Variants in GPX5 observed in about 807,000 individuals in gnomAD.
The protein encoded by GPX5 is glutathione peroxidase 5.
Under a neutral mutation model 23.8 loss-of-function variants are expected in GPX5, and 20 were observed. The observed-to-expected ratio is 0.84, with a 90% CI of 0.59 to 1.22. GPX5 has a LOEUF of 1.22. Ranked by LOEUF, GPX5 falls within the 50% of genes most tolerant of loss-of-function variation. GPX5 has a pLI of 0.00. For synonymous variants in GPX5, 92 were observed against 99.5 expected, an observed-to-expected ratio of 0.92 and a Z score of 0.45; for missense variants, 230 against 266.6, an observed-to-expected ratio of 0.86 and a Z score of 0.96.
Position 28,533,989 on chromosome 6 carries a change from T to C in GPX5, c.488T>C (p.Leu163Ser). Reference sequence around the variant, plus strand: ...TCCTGTCCTCATCCCTCTGAGATTTTGGGCACATTCAAATCTATATCCTGG... The same window carrying C: ...TCCTGTCCTCATCCCTCTGAGATTTCGGGCACATTCAAATCTATATCCTGG... ...KHSCPHPSEI[L>S]GTFKSISWDP... Residue 163 changes from leucine (L) to serine (S), a missense_variant, in exon 5 of 5, where the codon TTG becomes TCG. Transcript: ENST00000412168. 1 of 1,599,312 alleles carries C rather than the reference T, an allele frequency of 6.3e-7. No individual in the cohort carries two copies.
At chr6:28,532,486 C>T (rs1689606289) in intron 4 of GPX5, 66 bp downstream of exon 4, 2 of 1,063,332 alleles carry the variant, frequency 1.9e-6, no homozygotes, top group African/African-American at 3.3e-5. Flanking sequence ...GTTGGTGTGG[C>T]AGAAATGGAT....
rs377075275 is a variant in GPX5 at position 28,529,362 on chromosome 6, A to G, written c.88-89A>G. The stretch of plus-strand genomic sequence containing the variant: ...TATTTGTTTTCTAGATCTTGGTTAG[A>G]ACATAACTATTCTTTGACTTCTTTG... On this transcript the variant is annotated intron_variant, in intron 1 of 4. Transcript: ENST00000412168. The G allele has an allele frequency of 5.9e-5, 63 of 1,060,764 alleles. No homozygotes were observed. The East Asian group carries it at 6.5e-4, about 11-fold the overall frequency. 65.7% of individuals were successfully genotyped at this position (1,060,764 alleles called of 1,614,324 possible).
At chr6:28,527,459 C>G (rs902803364) in intron 1 of GPX5, among the ~76,000 whole-genome samples, 1 of 152,200 alleles carries the variant, frequency 6.6e-6, no homozygotes, top group Middle Eastern at 3.4e-3. Flanking sequence ...TAGCTACAAC[C>G]TAGTATGCTG....
intron 1 of GPX5, among the ~76,000 whole-genome samples, chr6:28,529,152 G>A (rs547075403): frequency 1.5e-4 from 22 of 150,266 alleles, no homozygotes; most frequent in African/African-American, 5.1e-4. Flanking sequence ...ATCTTTCCCA[G>A]CCTCTGGTAA....
rs373074327 is a variant in GPX5, at chr6:28,531,766, C to T, written c.242-12C>T. 8.6e-5 allele frequency: 136 copies of T among 1,576,720 alleles called. No individual in the cohort carries two copies. The highest frequency in any genetic ancestry group is 1.1e-4 in the Non-Finnish European group (127 of 1,151,800). ...TCTACCTAGACCAAAATTGTTCCTC[C>T]TCTAACTGCAGAACTAAATGCACTC... On this transcript the variant is annotated splice_polypyrimidine_tract_variant and intron_variant, in intron 2 of 4. Coordinates refer to ENST00000412168, the MANE Select transcript of GPX5 (RefSeq NM_001509.3).
chr6:28,533,396 AAAAC>A (rs1222050448), intron 4 of GPX5, among the ~76,000 whole-genome samples: 1 of 152,224 alleles, frequency 6.6e-6, no homozygotes, highest in African/African-American at 2.4e-5. Flanking sequence ...CTCAAAAACA[AAAAC>A]AAAAAAGAAC....
chr6:28,529,044 AC>A (rs1302329569), intron 1 of GPX5, among the ~76,000 whole-genome samples: 1 of 151,408 alleles, frequency 6.6e-6, no homozygotes, highest in Non-Finnish European at 1.5e-5. Context: ...GACTATAGTC[AC>A]CCTGTTGTGC....
rs370048326 is a variant in GPX5 at position 28,531,762 on chromosome 6, C to T, written c.242-16C>T. 185 of 1,551,578 alleles carry T rather than the reference C, an allele frequency of 1.2e-4. No homozygotes were observed. Among genetic ancestry groups the T allele is most frequent in the Non-Finnish European group, 1.6e-4 (179 of 1,131,494 alleles). On this transcript the variant is annotated splice_polypyrimidine_tract_variant and intron_variant, in intron 2 of 4. Transcript: ENST00000412168. ...AACCTCTACCTAGACCAAAATTGTT[C>T]CTCCTCTAACTGCAGAACTAAATGC...
intron 4 of GPX5, among the ~76,000 whole-genome samples, 200 bp downstream of exon 4, chr6:28,532,620 G>A (rs1009308954): frequency 3.3e-5 from 5 of 152,188 alleles, no homozygotes; most frequent in Non-Finnish European, 7.3e-5. Flanking sequence ...CTAACTCTGT[G>A]TGGTGAAGAA....
chr6:28,527,019 T>A (rs1287862743), intron 1 of GPX5: 1 of 152,264 alleles, frequency 6.6e-6, no homozygotes, highest in Non-Finnish European at 1.5e-5. Flanking sequence ...ATATGGTTTT[T>A]ATGTTACCTG....
chr6:28,529,676 A>G (rs1763276994), intron 2 of GPX5, 72 bp downstream of exon 2: 2 of 1,060,630 alleles, frequency 1.9e-6, no homozygotes, highest in Admixed American at 5.1e-5. Flanking sequence ...TTATACTTGG[A>G]ATTATATTTT....
chr6:28,534,582 C>A lies in GPX5; in HGVS notation c.*415C>A, dbSNP rs983586894. On this transcript the variant is annotated 3_prime_UTR_variant, in exon 5 of 5. Coordinates refer to ENST00000412168, the MANE Select transcript of GPX5 (RefSeq NM_001509.3). The stretch of plus-strand genomic sequence containing the variant: ...AGGTGTAGAAATAGCAATGGGGTCA[C>A]AGTCACACAATTTAGGTTCCACTTC... The A allele has an allele frequency of 6.1e-5, 10 of 163,632 alleles. No individual in the cohort carries two copies. Among genetic ancestry groups the A allele is most frequent in the Non-Finnish European group, 1.1e-4 (8 of 76,092 alleles). The allele number at this position is 163,632 out of a possible 1,614,324, so 10.1% of individuals were successfully genotyped here.
intron 2 of GPX5, 84 bp downstream of exon 2, chr6:28,529,688 A>T: frequency 1.0e-6 from 1 of 968,872 alleles, no homozygotes; most frequent in South Asian, 2.3e-5. Flanking sequence ...TTATATTTTA[A>T]TTATAATTAT....
In GPX5 at chr6:28,526,034, C is replaced by T. The variant is rs868846468; in HGVS notation, c.21C>T (p.Val7=). Residue 7 remains valine (V), a synonymous_variant, in exon 1 of 5, where the codon GTC becomes GTT. Coordinates refer to ENST00000412168, the MANE Select transcript of GPX5 (RefSeq NM_001509.3). MTTQLR[V]VHLLPLLLAC... is the part of the protein sequence containing the mutation. ...TAGTCATGACTACACAGTTAAGGGT[C>T]GTCCATCTGCTTCCCCTTCTCCTAG... 1.4e-5 allele frequency: 23 copies of T among 1,612,516 alleles called. No individual in the cohort carries two copies. The highest frequency in any genetic ancestry group is 1.9e-5 in the Non-Finnish European group (23 of 1,179,648).
At chr6:28,528,783 G>GTA (rs201043744) in intron 1 of GPX5, among the ~76,000 whole-genome samples, 3,434 of 132,292 alleles carry the variant, frequency 0.026, 138 homozygotes, top group African/African-American at 0.041. Context: ...TAGTAAGTGT[G>GTA]TATATATATG....
intron 1 of GPX5, chr6:28,527,550 T>C (rs985327364): frequency 1.3e-5 from 2 of 152,222 alleles, no homozygotes; most frequent in Non-Finnish European, 2.9e-5. Flanking sequence ...CTTCTCTGAA[T>C]GGGGGGCAGA....
intron 1 of GPX5, among the ~76,000 whole-genome samples, chr6:28,528,813 G>A (rs867077118): frequency 7.3e-5 from 7 of 95,710 alleles, no homozygotes; most frequent in Admixed American, 3.3e-4. Context: ...ATATATGTGT[G>A]TATATATATA....
chr6:28,532,255 AG>A (rs1363265778), intron 3 of GPX5, 65 bp from the exon 4 acceptor site: 1 of 919,444 alleles, frequency 1.1e-6, no homozygotes, highest in Non-Finnish European at 1.7e-6. Context: ...TTCAAATCCT[AG>A]TGTCCCATTA....
In GPX5 at chr6:28,529,385, TTG is replaced by T. The variant is rs1400511421; in HGVS notation, c.88-65_88-64del. 9 of 1,305,844 alleles carry T rather than the reference TTG, an allele frequency of 6.9e-6. No homozygotes were observed. The East Asian group carries it at 2.2e-4, about 33-fold the overall frequency. 80.9% of individuals were successfully genotyped at this position (1,305,844 alleles called of 1,614,324 possible). ...AGAACATAACTATTCTTTGACTTCTTTGAAAGATTACACAGATGCCAGGAATT... is the reference window on the plus strand; with the variant it reads ...AGAACATAACTATTCTTTGACTTCTTAAAGATTACACAGATGCCAGGAATT... On this transcript the variant is annotated intron_variant, in intron 1 of 4. Coordinates refer to ENST00000412168, the MANE Select transcript of GPX5 (RefSeq NM_001509.3).
Sources: gnomAD v4.1 joint callset for allele counts (sites outside exome capture counted in the v4.1 genomes callset) on GRCh38, gnomAD v4.1.1 for gene constraint, MANE v1.5 for transcripts, NCBI Gene and HGNC (gene_info 2026-07-23, HGNC 2026-07-21) for gene names.